RAI1: variants seen among roughly 807,000 people sequenced by gnomAD.
RAI1 encodes the protein retinoic acid induced 1.
Under a neutral mutation model 123.8 loss-of-function variants are expected in RAI1, and 9 were observed. The observed-to-expected ratio is 0.07, with a 90% CI of 0.04 to 0.13. The LOEUF is 0.13. Ranked by LOEUF, RAI1 falls within the 10% of genes least tolerant of loss-of-function variation. The pLI, the probability that RAI1 is intolerant of heterozygous loss-of-function variation, is 1.00. For missense variants in RAI1, 2,256 were observed against 2,545.8 expected (o/e 0.89, Z 2.45); for synonymous variants, 1,231 against 1,127.3 (o/e 1.09, Z -1.84).
At position 17,714,715 on chromosome 17, in the gene RAI1, C is replaced by CCT. The variant is rs946054469; in HGVS notation, c.-148-9309_-148-9308dup. ...AATAAGGAAGCTGAGCAGCAGGCAG[C>CCT]CTCTCCCCTGCAGAAGGGCACAGAA... On this transcript the variant is annotated intron_variant, in intron 1 of 5. Transcript: ENST00000353383. This position sits in a 1 kb window ranked among gnomAD's most constrained non-coding sequence, Gnocchi z 4.9. 6.6e-6 allele frequency among the ~76,000 whole-genome samples: 1 copy of CCT among 152,118 alleles called. No individual in the cohort carries two copies. The highest frequency in any genetic ancestry group is 2.1e-4 in the South Asian group (1 of 4,820).
chr17:17,805,426 A>G (rs1003251014), intron 4 of RAI1, among the ~76,000 whole-genome samples: 1 of 151,298 alleles, frequency 6.6e-6, no homozygotes, highest in Non-Finnish European at 1.5e-5. Context: ...ATCCCTCCCA[A>G]CTCTGGCCTG....
intron 2 of RAI1, among the ~76,000 whole-genome samples, chr17:17,758,774 G>A (rs185575492): frequency 1.3e-5 from 2 of 152,314 alleles, no homozygotes; most frequent in Admixed American, 1.3e-4. Flanking sequence ...GGCCCTTCAC[G>A]GGGGCTGATG....
intron 1 of RAI1, among the ~76,000 whole-genome samples, 171 bp from the exon 2 acceptor site, chr17:17,723,857 C>T (rs1011005923): frequency 6.7e-6 from 1 of 150,216 alleles, no homozygotes; most frequent in African/African-American, 2.4e-5. Context: ...CCCCGGCGGC[C>T]TGTGAATAAT....
chr17:17,810,113 C>T lies in RAI1; in HGVS notation c.*132C>T, dbSNP rs1020780606. ...GCTGGTCCAGAGCCGATCCTTGATC[C>T]GGGTCCCGGATCGTGGATCCGGCCG... On this transcript the variant is annotated 3_prime_UTR_variant, in exon 6 of 6. Coordinates refer to ENST00000353383, the MANE Select transcript of RAI1 (RefSeq NM_030665.4). The surrounding 1 kb of genome is among the most constrained non-coding windows in gnomAD (Gnocchi z 4.6). The T allele has an allele frequency of 2.3e-6, 3 of 1,286,430 alleles. No individual in the cohort carries two copies. Among genetic ancestry groups the T allele is most frequent in the Non-Finnish European group, 2.1e-6 (2 of 958,848 alleles). The allele number at this position is 1,286,430 out of a possible 1,614,324, so 79.7% of individuals were successfully genotyped here.
At chr17:17,783,938 A>G (rs2031723714) in intron 2 of RAI1, among the ~76,000 whole-genome samples, 1 of 151,646 alleles carries the variant, frequency 6.6e-6, no homozygotes, top group African/African-American at 2.4e-5. Context: ...TGAGCAGAAT[A>G]CTCCACCAGC....
chr17:17,791,429 G>A (rs2032009050), intron 2 of RAI1, among the ~76,000 whole-genome samples: 1 of 151,020 alleles, frequency 6.6e-6, no homozygotes, highest in African/African-American at 2.4e-5. Flanking sequence ...TCTTCCCTGT[G>A]CCCCTCCCCG....
chr17:17,726,586 A>G (rs1403970996), intron 2 of RAI1, among the ~76,000 whole-genome samples: 1 of 152,200 alleles, frequency 6.6e-6, no homozygotes, highest in African/African-American at 2.4e-5. Flanking sequence ...AGTGTCCTGT[A>G]TTTGTCCAGC....
chr17:17,698,978 C>G (rs766125404), intron 1 of RAI1, among the ~76,000 whole-genome samples: 1 of 152,216 alleles, frequency 6.6e-6, no homozygotes, highest in Non-Finnish European at 1.5e-5. Flanking sequence ...TGATCACAAG[C>G]CAAGACAGAG....
Position 17,801,635 on chromosome 17 carries a change from A to C in RAI1, c.5566-2121A>C, listed in dbSNP as rs2032465213. ...GGCCATCCCAGACTAGGCGGGAAGG[A>C]GGCCTCAGCCCTGAGCTGAAAACCT... On this transcript the variant is annotated intron_variant, in intron 3 of 5. Coordinates refer to ENST00000353383, the MANE Select transcript of RAI1 (RefSeq NM_030665.4). The surrounding 1 kb of genome is among the most constrained non-coding windows in gnomAD (Gnocchi z 4.1). 6.6e-6 allele frequency among the ~76,000 whole-genome samples: 1 copy of C among 152,224 alleles called. No homozygotes were observed. The highest frequency in any genetic ancestry group is 2.1e-4 in the South Asian group (1 of 4,830).
intron 2 of RAI1, among the ~76,000 whole-genome samples, chr17:17,782,921 G>A (rs1464721169): frequency 2.6e-5 from 4 of 152,216 alleles, no homozygotes; most frequent in Admixed American, 2.6e-4. Flanking sequence ...GCCCCGCCCT[G>A]CGCGCCCCTT....
chr17:17,752,863 TG>T (rs1233397277), intron 2 of RAI1, among the ~76,000 whole-genome samples: 27 of 152,228 alleles, frequency 1.8e-4, no homozygotes, highest in Admixed American at 3.3e-4. Flanking sequence ...TATCTCTTTT[TG>T]TGCACTCTCC....
chr17:17,798,583 GC>G (rs2032353899), intron 3 of RAI1, 70 bp downstream of exon 3: 1 of 1,579,350 alleles, frequency 6.3e-7, no homozygotes, highest in Non-Finnish European at 8.5e-7. Context: ...CAGTCGGGGA[GC>G]CCCTTGTTTC....
In RAI1 at chr17:17,809,867, C is replaced by A; in HGVS notation, c.5710-103C>A. 2 of 1,514,168 alleles carry A rather than the reference C, an allele frequency of 1.3e-6. No homozygotes were observed. The highest frequency in any genetic ancestry group is 2.4e-5 in the South Asian group (2 of 82,926). The allele number at this position is 1,514,168 out of a possible 1,614,324, so 93.8% of individuals were successfully genotyped here. A position where few individuals can be genotyped will look rare whatever the true frequency, so the allele number is the denominator to read the frequency against. ...GGAGACCCCAGCCGCGCTCTGGGGT[C>A]GCCTGGGTCTGGGGCTTAGGCGGGG... On this transcript the variant is annotated intron_variant, in intron 5 of 5. Transcript: ENST00000353383. The surrounding 1 kb of genome is among the most constrained non-coding windows in gnomAD (Gnocchi z 4.9).
At chr17:17,778,455 C>T (rs2031433352) in intron 2 of RAI1, 1 of 309,768 alleles carries the variant, frequency 3.2e-6, no homozygotes, top group Middle Eastern at 1.2e-3. Context: ...TTTAGAGTAT[C>T]TTGCAGCTTA....
At chr17:17,689,265 T>C (rs1174847286) in intron 1 of RAI1, among the ~76,000 whole-genome samples, 2 of 152,084 alleles carry the variant, frequency 1.3e-5, no homozygotes, top group Non-Finnish European at 2.9e-5. Context: ...GCCCGGCCAA[T>C]TATTCTTCTT....
intron 1 of RAI1, among the ~76,000 whole-genome samples, chr17:17,709,726 C>T (rs1203548246): frequency 1.3e-5 from 2 of 152,244 alleles, no homozygotes; most frequent in Non-Finnish European, 2.9e-5. Context: ...GTAGCAGGGC[C>T]ACTGTCTGTG....
chr17:17,699,970 C>G (rs1915163310), intron 1 of RAI1, among the ~76,000 whole-genome samples: 1 of 152,240 alleles, frequency 6.6e-6, no homozygotes, highest in African/African-American at 2.4e-5. Context: ...CCTCAGATTC[C>G]TCTTGTGTAA....
intron 2 of RAI1, among the ~76,000 whole-genome samples, chr17:17,743,986 C>T (rs1359420751): frequency 6.6e-6 from 1 of 152,198 alleles, no homozygotes; most frequent in Admixed American, 6.5e-5. Flanking sequence ...TCTGTCTGCC[C>T]GATTCTGGTT....
At chr17:17,756,614 C>CAAG (rs2030448152) in intron 2 of RAI1, among the ~76,000 whole-genome samples, 1 of 151,792 alleles carries the variant, frequency 6.6e-6, no homozygotes, top group African/African-American at 2.4e-5. Context: ...GTAAAGTGTG[C>CAAG]TAGCTTCAAA....
Sources: gnomAD v4.1 joint callset for allele counts (sites outside exome capture counted in the v4.1 genomes callset) on GRCh38, gnomAD v4.1.1 for gene constraint, Gnocchi (gnomAD v3.1) non-coding constraint, MANE v1.5 for transcripts, NCBI Gene and HGNC (gene_info 2026-07-23, HGNC 2026-07-21) for gene names.